The following TNS4 variants were observed in gnomAD, a reference collection of about 807,000 sequenced individuals.
TNS4 encodes tensin-4.
In TNS4, 46 loss-of-function variants were observed where a neutral mutation model predicts 70.4. The ratio of observed to expected loss-of-function variants is 0.65; its 90% CI spans 0.52 to 0.84. TNS4 has a LOEUF of 0.84. TNS4 is among the 40% of genes least tolerant of loss of function. TNS4 has a pLI of 0.00. For missense variants in TNS4, 863 were observed against 907.0 expected (o/e 0.95, Z 0.62); for synonymous variants, 390 against 366.6 (o/e 1.06, Z -0.73).
In TNS4 at chr17:40,495,978, A is replaced by T. The variant is rs200627215; in HGVS notation, c.439+9T>A. 2.7e-4 allele frequency: 429 copies of T among 1,601,196 alleles called. 2 individuals carry two copies. Among genetic ancestry groups the T allele is most frequent in the Middle Eastern group, 2.3e-3 (14 of 5,976 alleles). On this transcript the variant is annotated intron_variant, in intron 2 of 12. Coordinates refer to ENST00000254051, the MANE Select transcript of TNS4 (RefSeq NM_032865.6). ...GCCCCCCTCCTGGTACTGTGCCCCAAATCCTTACCCAAGGCTTCAGATTCC... is the reference window on the plus strand; with the variant it reads ...GCCCCCCTCCTGGTACTGTGCCCCATATCCTTACCCAAGGCTTCAGATTCC...
chr17:40,478,608 A>G lies in TNS4; in HGVS notation c.1951T>C (p.Phe651Leu). 2 of 1,614,152 alleles carry G rather than the reference A, an allele frequency of 1.2e-6. No individual in the cohort carries two copies. Among genetic ancestry groups the G allele is most frequent in the Non-Finnish European group, 1.7e-6 (2 of 1,180,016 alleles). Residue 651 changes from phenylalanine to leucine, a missense_variant, in exon 11 of 13, where the codon TTC (phenylalanine) becomes CTC (leucine). Phe to Leu is a conservative substitution (Grantham distance 22). Coordinates refer to ENST00000254051, the MANE Select transcript of TNS4 (RefSeq NM_032865.6). ...RRHYPLTTLR[F>L]CGMDPEQRKW... is the part of the protein sequence containing the mutation. ...CGTTGCTCAGGGTCCATACCACAGA[A>G]GCGGAGGGTGGTGAGTGGGTAATGG...
At position 40,488,738 on chromosome 17, in the gene TNS4, C is replaced by A. The variant is rs775475541; in HGVS notation, c.671G>T (p.Arg224Leu). The change falls in exon 3 of 13, where the codon CGA (arginine) becomes CTA (leucine). Residue 224 changes from arginine to leucine, a missense_variant. Physicochemically the swap from Arg to Leu is moderately radical, Grantham distance 102. Coordinates refer to ENST00000254051, the MANE Select transcript of TNS4 (RefSeq NM_032865.6). ...PLPPSEGLSP[R>L]PPNSPSISIP... The stretch of plus-strand genomic sequence containing the variant: ...TGAGATGCTGGGGGAATTTGGGGGT[C>A]GAGGGGAGAGACCCTCTGAGGGGGG... The A allele has an allele frequency of 1.3e-6, 2 of 1,589,310 alleles. No individual in the cohort carries two copies. The highest frequency in any genetic ancestry group is 2.3e-5 in the East Asian group (1 of 44,386).
intron 2 of TNS4, among the ~76,000 whole-genome samples, chr17:40,493,787 C>A (rs1248586316): frequency 6.6e-6 from 1 of 152,342 alleles, no homozygotes; most frequent in African/African-American, 2.4e-5. Context: ...GAGCCCCTTC[C>A]GTGGAGGAAG....
At position 40,477,588 on chromosome 17, in the gene TNS4, C is replaced by G. The variant is rs756561255; in HGVS notation, c.2148G>C (p.Ter716TyrextTer8). ...GTTAGGTGCACAGGCAGTCTCTCCC[C>G]TACATCCTTTCTGCGTCCTGCAGCA... ...TALLQDAERM[*>Y] The change falls in exon 13 of 13, where the codon TAG becomes TAC. Residue 716 changes from the stop codon to tyrosine (Y), a stop_lost. Transcript: ENST00000254051. 5.6e-6 allele frequency: 9 copies of G among 1,614,026 alleles called. No homozygotes were observed. The South Asian group carries it at 9.9e-5, about 18-fold the overall frequency.
chr17:40,494,657 G>A (rs781776321), intron 2 of TNS4, among the ~76,000 whole-genome samples: 9 of 150,200 alleles, frequency 6.0e-5, no homozygotes, highest in Non-Finnish European at 7.4e-5. Context: ...GCTTGAACCC[G>A]GGAGGTGGAG....
chr17:40,492,951 C>G (rs8072126), intron 2 of TNS4, among the ~76,000 whole-genome samples: 35,394 of 151,828 alleles, frequency 0.23, 5,091 homozygotes, highest in African/African-American at 0.4. Context: ...GGAGTCTGAG[C>G]TATGAGAATC....
chr17:40,484,713 T>A, intron 5 of TNS4, 104 bp from the exon 6 acceptor site: 2 of 1,538,762 alleles, frequency 1.3e-6, no homozygotes, highest in Admixed American at 1.9e-5. Context: ...TCACCTTTTG[T>A]CCCCAGGAAG....
Position 40,484,934 on chromosome 17 carries a change from G to A in TNS4, c.1362C>T (p.Ile454=). 6.2e-7 allele frequency: 1 copy of A among 1,614,242 alleles called. No homozygotes were observed. Among genetic ancestry groups the A allele is most frequent in the Non-Finnish European group, 8.5e-7 (1 of 1,180,042 alleles). The change falls in exon 5 of 13, where the codon ATC becomes ATT. Residue 454 remains isoleucine, a synonymous_variant. Coordinates refer to ENST00000254051, the MANE Select transcript of TNS4 (RefSeq NM_032865.6). ...GCTTCCTTTTACCTTGCTCTCGGGT[G>A]ATGTTTGGCTTAAACCAGTATTTAG... is the stretch of plus-strand genomic sequence containing the variant. ...DTSKYWFKPN[I]TREQAIELLR...
At chr17:40,500,461 C>T (rs1236119674) in intron 1 of TNS4, among the ~76,000 whole-genome samples, 1 of 152,172 alleles carries the variant, frequency 6.6e-6, no homozygotes, top group Non-Finnish European at 1.5e-5. Context: ...GCCCGGGGCT[C>T]TGTGTGGTTG....
intron 1 of TNS4, among the ~76,000 whole-genome samples, chr17:40,499,889 C>T (rs561315522): frequency 6.6e-6 from 1 of 152,174 alleles, no homozygotes; most frequent in Admixed American, 6.5e-5. Context: ...GGTGTCCCCT[C>T]GCAACCAGGA....
intron 1 of TNS4, among the ~76,000 whole-genome samples, chr17:40,499,226 C>A (rs780729017): frequency 1.3e-5 from 2 of 152,096 alleles, no homozygotes; most frequent in African/African-American, 4.8e-5. Context: ...TTTGTTCCCA[C>A]GTAATTACCG....
chr17:40,492,708 C>T (rs1383801711), intron 2 of TNS4, among the ~76,000 whole-genome samples: 2 of 149,970 alleles, frequency 1.3e-5, no homozygotes, highest in Non-Finnish European at 2.9e-5. Flanking sequence ...GCCTGGGCAA[C>T]ATGGTGAGAC....
intron 6 of TNS4, among the ~76,000 whole-genome samples, chr17:40,484,112 C>G (rs1196338073): frequency 6.6e-6 from 1 of 152,230 alleles, no homozygotes; most frequent in Non-Finnish European, 1.5e-5. Flanking sequence ...AAGCTATCAC[C>G]TGTGAGATAA....
intron 1 of TNS4, among the ~76,000 whole-genome samples, chr17:40,499,717 G>A (rs998970725): frequency 6.6e-6 from 1 of 152,226 alleles, no homozygotes; most frequent in African/African-American, 2.4e-5. Context: ...CGCCCTCCCG[G>A]GACAGCTGAG....
chr17:40,484,524 C>T lies in TNS4; in HGVS notation c.1461G>A (p.Leu487=). The change falls in exon 6 of 13, where the codon CTG becomes CTA. Residue 487 remains leucine, a synonymous_variant. Coordinates refer to ENST00000254051, the MANE Select transcript of TNS4 (RefSeq NM_032865.6). ...SSYRGSFGLA[L]KVQEVPASAQ... ...CAGACGCGGGAACCTCCTGCACCTT[C>T]AGGGCCAGGCCGAAGGAGCCTCGGT... is the stretch of plus-strand genomic sequence containing the variant. 2 of 1,612,590 alleles carry T rather than the reference C, an allele frequency of 1.2e-6. No homozygotes were observed. The highest frequency in any genetic ancestry group is 1.3e-5 in the African/African-American group (1 of 75,058).
At chr17:40,488,200 T>C (rs1185076760) in intron 3 of TNS4, among the ~76,000 whole-genome samples, 1 of 152,210 alleles carries the variant, frequency 6.6e-6, no homozygotes, top group South Asian at 2.1e-4. Context: ...ATAGTTCATC[T>C]CAGGCCCCCC....
intron 2 of TNS4, 52 bp from the exon 3 acceptor site, chr17:40,489,021 A>C: frequency 6.8e-7 from 1 of 1,475,204 alleles, no homozygotes; most frequent in Non-Finnish European, 9.0e-7. Context: ...CTGGACTCAT[A>C]GAACAGAGAG....
chr17:40,498,372 C>G lies in TNS4; in HGVS notation c.-95-1852G>C, dbSNP rs2036171130. Among the ~76,000 whole-genome samples, 5 of 152,154 alleles carry G rather than the reference C, an allele frequency of 3.3e-5. No individual in the cohort carries two copies. The South Asian group carries it at 1.0e-3, about 32-fold the overall frequency. On this transcript the variant is annotated intron_variant, in intron 1 of 12. Transcript: ENST00000254051. ...GTGTTATGGAACCAGTGAGGTGCTC[C>G]TTGTGAAGGTAGTTAGGCAATTCTA...
Position 40,479,757 on chromosome 17 carries a change from A to G in TNS4, c.1827T>C (p.Phe609=), listed in dbSNP as rs1438212500. Residue 609 remains phenylalanine (F), a synonymous_variant, in exon 10 of 13, where the codon TTT becomes TTC. Coordinates refer to ENST00000254051, the MANE Select transcript of TNS4 (RefSeq NM_032865.6). ...LAVQKAISTT[F]ERDILPTPTV... is the part of the protein sequence containing the mutation. ...TGGGCGTGGGGAGGATGTCCCTCTC[A>G]AAGGTGGTGGAGATGGCTTTCTGCA... 1 of 1,614,084 alleles carries G rather than the reference A, an allele frequency of 6.2e-7. No individual in the cohort carries two copies. The highest frequency in any genetic ancestry group is 1.7e-5 in the Admixed American group (1 of 60,022).
Sources: gnomAD v4.1 joint callset for allele counts (sites outside exome capture counted in the v4.1 genomes callset) on GRCh38, gnomAD v4.1.1 for gene constraint, MANE v1.5 for transcripts, NCBI Gene and HGNC (gene_info 2026-07-23, HGNC 2026-07-21) for gene names.